CASS4: variants seen among roughly 807,000 people sequenced by gnomAD.
The protein encoded by CASS4 is Cas scaffold protein family member 4, also known as cas scaffolding protein family member 4.
Under a neutral mutation model 54.2 loss-of-function variants are expected in CASS4, and 22 were observed. That is an observed-to-expected ratio of 0.41 (90% CI 0.29 to 0.58). CASS4 has a LOEUF of 0.58. CASS4 is among the 20% of genes least tolerant of loss of function. The pLI, the probability that CASS4 is intolerant of heterozygous loss-of-function variation, is 0.36. For missense variants in CASS4, 854 were observed against 986.7 expected, an observed-to-expected ratio of 0.87 and a Z score of 1.80; for synonymous variants, 409 against 391.5, an observed-to-expected ratio of 1.04 and a Z score of -0.53.
Position 56,452,703 on chromosome 20 carries a change from C to T in CASS4, c.1527C>T (p.Asp509=). The change falls in exon 5 of 6, where the codon GAC becomes GAT. Residue 509 remains aspartate (D), a synonymous_variant. Transcript: ENST00000679887. ...GVHGTACNLT[D]SNLQNRIRDQ... is the part of the protein sequence containing the mutation. Reference sequence around the variant, plus strand: ...ATGGGACTGCCTGTAACCTCACTGACAGTAACCTTCAGAACAGAATTCGGG... The same window carrying T: ...ATGGGACTGCCTGTAACCTCACTGATAGTAACCTTCAGAACAGAATTCGGG... 6.2e-7 allele frequency: 1 copy of T among 1,614,158 alleles called. No homozygotes were observed. The highest frequency in any genetic ancestry group is 8.5e-7 in the Non-Finnish European group (1 of 1,180,018).
Position 56,452,336 on chromosome 20 carries a change from G to A in CASS4, c.1160G>A (p.Arg387Gln), listed in dbSNP as rs775776673. 56 of 1,613,902 alleles carry A rather than the reference G, an allele frequency of 3.5e-5. No individual in the cohort carries two copies. The highest frequency in any genetic ancestry group is 2.3e-4 in the Admixed American group (14 of 60,024). ...CATAATTCCTCATGGTTCTCCAGAC[G>A]GACAACTTCCCCATCTCCTGAACCG... ...AGHNSSWFSR[R>Q]TTSPSPEPDR... Residue 387 changes from arginine to glutamine, a missense_variant, in exon 5 of 6, where the codon CGG becomes CAG. By Grantham distance (43) the Arg-to-Gln change is conservative. Coordinates refer to ENST00000679887, the MANE Select transcript of CASS4 (RefSeq NM_020356.4).
Position 56,451,988 on chromosome 20 carries a change from C to G in CASS4, c.812C>G (p.Ala271Gly). Residue 271 changes from alanine to glycine, a missense_variant, in exon 5 of 6, where the codon GCT (alanine) becomes GGT (glycine). Transcript: ENST00000679887. ...TTTGCGGAAGAATCAAGGCCCCACG[C>G]TCTCCCCAGTTCCAGCTCCACTTTC... Reference protein sequence around the residue: ...TSFAEESRPHALPSSSSTFYN... With the variant: ...TSFAEESRPHGLPSSSSTFYN... 1 of 1,614,220 alleles carries G rather than the reference C, an allele frequency of 6.2e-7. No homozygotes were observed. Among genetic ancestry groups the G allele is most frequent in the Non-Finnish European group, 8.5e-7 (1 of 1,180,044 alleles).
chr20:56,437,570 T>G lies in CASS4; in HGVS notation c.443T>G (p.Leu148Arg). The stretch of plus-strand genomic sequence containing the variant: ...GCCAGAATCATCTGTGAAAAGACTC[T>G]CAGCTTTCCAAAACAGGTACGCATA... ...TSARIICEKTLSFPKQAILTL... is the reference protein window; with the variant it reads ...TSARIICEKTRSFPKQAILTL... The change falls in exon 2 of 6, where the codon CTC becomes CGC. Residue 148 changes from leucine to arginine, a missense_variant. Leu to Arg is a moderately radical substitution (Grantham distance 102, BLOSUM62 -2). Transcript: ENST00000679887. The surrounding 1 kb of genome is among the most constrained non-coding windows in gnomAD (Gnocchi z 4.7). The G allele has an allele frequency of 6.5e-7, 1 of 1,538,742 alleles. No individual in the cohort carries two copies. The highest frequency in any genetic ancestry group is 1.3e-5 in the South Asian group (1 of 79,528).
chr20:56,427,748 A>T (rs922651509), intron 1 of CASS4, among the ~76,000 whole-genome samples: 9 of 152,238 alleles, frequency 5.9e-5, no homozygotes, highest in Non-Finnish European at 1.2e-4. Context: ...TGCAGTTTTT[A>T]AAATGTGGTT....
chr20:56,450,414 A>G (rs532250162), intron 3 of CASS4, among the ~76,000 whole-genome samples, 185 bp from the exon 4 acceptor site: 14 of 152,334 alleles, frequency 9.2e-5, no homozygotes, highest in South Asian at 6.2e-4. Flanking sequence ...GTTGCCTCAG[A>G]CAAGGAAGGC....
chr20:56,419,696 G>T (rs931521567), intron 1 of CASS4, among the ~76,000 whole-genome samples: 1 of 152,008 alleles, frequency 6.6e-6, no homozygotes, highest in Non-Finnish European at 1.5e-5. Flanking sequence ...TTCCCAAAGT[G>T]CTGGGATTAC....
intron 1 of CASS4, among the ~76,000 whole-genome samples, chr20:56,428,042 C>G (rs903804514): frequency 6.6e-6 from 1 of 152,212 alleles, no homozygotes; most frequent in Non-Finnish European, 1.5e-5. Context: ...GTTTGGGGAA[C>G]TTCCTTATTT....
chr20:56,425,894 T>C (rs1272502646), intron 1 of CASS4, among the ~76,000 whole-genome samples: 2 of 152,226 alleles, frequency 1.3e-5, no homozygotes, highest in East Asian at 1.9e-4. Flanking sequence ...GCTATACTTA[T>C]AAAAGCATCA....
At chr20:56,424,414 GC>G (rs1015103845) in intron 1 of CASS4, among the ~76,000 whole-genome samples, 73 of 152,228 alleles carry the variant, frequency 4.8e-4, no homozygotes, top group African/African-American at 1.7e-3. Context: ...GATATGGAAA[GC>G]CACTGCAATT....
intron 1 of CASS4, among the ~76,000 whole-genome samples, chr20:56,419,330 G>A (rs138151448): frequency 8.0e-4 from 122 of 152,326 alleles, no homozygotes; most frequent in African/African-American, 2.9e-3. Context: ...CAGGGGAAGA[G>A]CAGCCTTGTA....
In CASS4 at chr20:56,459,583, T is replaced by G. The variant is rs1268582249; in HGVS notation, c.*836T>G. On this transcript the variant is annotated 3_prime_UTR_variant, in exon 6 of 6. Transcript: ENST00000679887. ...ATCCTGGAAGTCTTATGAGAAGACA[T>G]GGCAAGAAGCAGAGTCAAGCACACA... 1 of 196,942 alleles carries G rather than the reference T, an allele frequency of 5.1e-6. No homozygotes were observed. 12.2% of individuals were successfully genotyped at this position (196,942 alleles called of 1,614,324 possible). A position where few individuals can be genotyped will look rare whatever the true frequency, so the allele number is the denominator to read the frequency against.
At position 56,412,473 on chromosome 20, in the gene CASS4, C is replaced by T; in HGVS notation, c.15C>T (p.Gly5=). The T allele has an allele frequency of 6.2e-7, 1 of 1,612,790 alleles. No homozygotes were observed. The highest frequency in any genetic ancestry group is 8.5e-7 in the Non-Finnish European group (1 of 1,179,424). Residue 5 remains glycine (G), a synonymous_variant, in exon 1 of 6, where the codon GGC becomes GGT. Coordinates refer to ENST00000679887, the MANE Select transcript of CASS4 (RefSeq NM_020356.4). This position sits in a 1 kb window ranked among gnomAD's most constrained non-coding sequence, Gnocchi z 4.2. ...ACATCACCGACATGAAGGGAACAGGCATCATGGACTGTGCGCCCAAGGTGA... is the reference window on the plus strand; with the variant it reads ...ACATCACCGACATGAAGGGAACAGGTATCATGGACTGTGCGCCCAAGGTGA... MKGT[G]IMDCAPKALL...
chr20:56,450,721 C>A (rs1329998105), intron 4 of CASS4, 42 bp downstream of exon 4: 1 of 1,575,290 alleles, frequency 6.3e-7, no homozygotes, highest in Non-Finnish European at 8.7e-7. Flanking sequence ...TATGAACACA[C>A]AAAATCCTCT....
chr20:56,432,489 T>G (rs2146276094), intron 1 of CASS4, among the ~76,000 whole-genome samples: 1 of 145,786 alleles, frequency 6.9e-6, no homozygotes, highest in East Asian at 2.2e-4. Context: ...CACCTCAGCC[T>G]CCCCAGTAGC....
At chr20:56,438,836 G>A (rs940941363) in intron 2 of CASS4, among the ~76,000 whole-genome samples, 1 of 152,180 alleles carries the variant, frequency 6.6e-6, no homozygotes, top group Non-Finnish European at 1.5e-5. Flanking sequence ...CAGCCTGGAC[G>A]CCAAGAGTGA....
chr20:56,415,075 C>T (rs1426563963), intron 1 of CASS4, among the ~76,000 whole-genome samples: 1 of 152,174 alleles, frequency 6.6e-6, no homozygotes, highest in Non-Finnish European at 1.5e-5. Flanking sequence ...CAGGAATCAA[C>T]CCCAGGCAGA....
intron 1 of CASS4, among the ~76,000 whole-genome samples, chr20:56,431,153 A>G (rs956534804): frequency 2.0e-5 from 3 of 152,202 alleles, no homozygotes; most frequent in African/African-American, 7.2e-5. Context: ...TCTGACCCTC[A>G]GTTCTCTCAT....
chr20:56,452,244 G>C lies in CASS4; in HGVS notation c.1068G>C (p.Thr356=), dbSNP rs371177644. 2.5e-6 allele frequency: 4 copies of C among 1,613,942 alleles called. No individual in the cohort carries two copies. The highest frequency in any genetic ancestry group is 3.4e-6 in the Non-Finnish European group (4 of 1,180,036). The part of the protein sequence containing the change: ...KPNIYDIPKA[T]SSVSQAGKEL... ...ATATTTATGACATCCCTAAAGCAACGTCGAGTGTTTCTCAGGCTGGGAAGG... is the reference window on the plus strand; with the variant it reads ...ATATTTATGACATCCCTAAAGCAACCTCGAGTGTTTCTCAGGCTGGGAAGG... Residue 356 remains threonine (T), a synonymous_variant, in exon 5 of 6, where the codon ACG becomes ACC. Coordinates refer to ENST00000679887, the MANE Select transcript of CASS4 (RefSeq NM_020356.4).
At chr20:56,421,261 T>G (rs1450847943) in intron 1 of CASS4, among the ~76,000 whole-genome samples, 2 of 152,212 alleles carry the variant, frequency 1.3e-5, no homozygotes, top group Non-Finnish European at 2.9e-5. Flanking sequence ...AACTAGCTCA[T>G]CAAACCTGTA....
Sources: gnomAD v4.1 joint callset for allele counts (sites outside exome capture counted in the v4.1 genomes callset) on GRCh38, gnomAD v4.1.1 for gene constraint, Gnocchi (gnomAD v3.1) non-coding constraint, MANE v1.5 for transcripts, NCBI Gene and HGNC (gene_info 2026-07-23, HGNC 2026-07-21) for gene names.